SYNPR: variants seen among roughly 807,000 people sequenced by gnomAD.
SYNPR encodes the protein synaptoporin.
Under a neutral mutation model 32.9 loss-of-function variants are expected in SYNPR, and 23 were observed. That is an observed-to-expected ratio of 0.70 (90% confidence interval 0.50 to 0.99). The LOEUF (loss-of-function observed/expected upper bound fraction) is 0.99. Ranked by LOEUF, SYNPR falls within the 50% of genes least tolerant of loss-of-function variation. The pLI is 0.00. For synonymous variants in SYNPR, 146 were observed against 135.9 expected, an observed-to-expected ratio of 1.07 and a Z score of -0.52; for missense variants, 318 against 349.3, an observed-to-expected ratio of 0.91 and a Z score of 0.71.
At chr3:63,476,388 A>AGG (rs1463335418) in intron 2 of SYNPR, among the ~76,000 whole-genome samples, 2 of 108,566 alleles carry the variant, frequency 1.8e-5, no homozygotes, top group African/African-American at 3.4e-5. Context: ...GAGGGAGAGA[A>AGG]GAAGGAAGGA....
chr3:63,586,141 C>T lies in SYNPR; in HGVS notation c.409-22984C>T, dbSNP rs1350392036. On this transcript the variant is annotated intron_variant, in intron 4 of 5. Coordinates refer to ENST00000478300, the MANE Select transcript of SYNPR (RefSeq NM_001130003.2). Reference sequence around the variant, plus strand: ...TATTTGAGAAGTTCTTCATCTTAACCATCTGTTGCAGGCTGACAGATGGGT... The same window carrying T: ...TATTTGAGAAGTTCTTCATCTTAACTATCTGTTGCAGGCTGACAGATGGGT... Among the ~76,000 whole-genome samples the T allele has an allele frequency of 2.0e-5, 3 of 151,966 alleles. No homozygotes were observed. In the East Asian group the frequency reaches 5.8e-4, roughly 29 times the overall value.
chr3:63,473,770 G>A (rs1449095562), intron 2 of SYNPR, among the ~76,000 whole-genome samples: 1 of 152,186 alleles, frequency 6.6e-6, no homozygotes, highest in Admixed American at 6.5e-5. Flanking sequence ...ACAGCATGAA[G>A]GTCCTACAGC....
chr3:63,206,527 C>T, the SYNPR span, among the ~76,000 whole-genome samples: 1 of 151,934 alleles, frequency 6.6e-6, no homozygotes, highest in Non-Finnish European at 1.5e-5. Flanking sequence ...CACCACTGCA[C>T]TCCAGCCTGG....
chr3:63,489,290 T>A (rs1448801954), intron 3 of SYNPR, among the ~76,000 whole-genome samples: 1 of 152,118 alleles, frequency 6.6e-6, no homozygotes, highest in Non-Finnish European at 1.5e-5. Context: ...ATACCCCCAA[T>A]CCAATTGGTC....
intron 2 of SYNPR, among the ~76,000 whole-genome samples, chr3:63,293,211 G>C (rs567923117): frequency 6.6e-6 from 1 of 152,292 alleles, no homozygotes; most frequent in South Asian, 2.1e-4. Flanking sequence ...AAGTCACATA[G>C]GTGGTAAGTG....
In SYNPR at chr3:63,469,687, C is replaced by T. The variant is rs190795772; in HGVS notation, c.85-11145C>T. Among the ~76,000 whole-genome samples, 12 of 152,202 alleles carry T rather than the reference C, an allele frequency of 7.9e-5. No individual in the cohort carries two copies. In the East Asian group the frequency reaches 2.1e-3, roughly 27 times the overall value. On this transcript the variant is annotated intron_variant, in intron 2 of 5. Coordinates refer to ENST00000478300, the MANE Select transcript of SYNPR (RefSeq NM_001130003.2). The stretch of plus-strand genomic sequence containing the variant: ...TTCCTATTCAACCCGATGGAAGTTG[C>T]CCTTTTTAATCAACGAATGATTGAT...
intron 4 of SYNPR, among the ~76,000 whole-genome samples, chr3:63,608,547 G>A (rs1700155605): frequency 6.6e-6 from 1 of 152,136 alleles, no homozygotes; most frequent in Admixed American, 6.5e-5. Context: ...TAACATATTG[G>A]TTAACCAATA....
At chr3:63,452,625 T>A (rs1700398991) in intron 2 of SYNPR, among the ~76,000 whole-genome samples, 1 of 152,080 alleles carries the variant, frequency 6.6e-6, no homozygotes, top group South Asian at 2.1e-4. Flanking sequence ...ACACAGGACT[T>A]GAACCTTCAC....
At chr3:63,563,419 T>C (rs529747072) in intron 4 of SYNPR, among the ~76,000 whole-genome samples, 1 of 152,272 alleles carries the variant, frequency 6.6e-6, no homozygotes, top group South Asian at 2.1e-4. Context: ...CAAATGCTCT[T>C]TCCCACCAGC....
At chr3:63,401,053 A>G (rs1272918999) in intron 2 of SYNPR, among the ~76,000 whole-genome samples, 1 of 151,282 alleles carries the variant, frequency 6.6e-6, no homozygotes, top group Non-Finnish European at 1.5e-5. Flanking sequence ...TTTTTTTTTT[A>G]TGATGATAAC....
chr3:63,576,790 C>CA (rs34309720), intron 4 of SYNPR, among the ~76,000 whole-genome samples: 3,517 of 76,194 alleles, frequency 0.046, 105 homozygotes, highest in African/African-American at 0.13. Flanking sequence ...GAATACGTCT[C>CA]AAAAAAAAAA....
At chr3:63,500,727 A>G (rs1461009651) in intron 3 of SYNPR, among the ~76,000 whole-genome samples, 1 of 152,124 alleles carries the variant, frequency 6.6e-6, no homozygotes, top group African/African-American at 2.4e-5. Flanking sequence ...CACTCACACA[A>G]TTTGATCACT....
intron 3 of SYNPR, among the ~76,000 whole-genome samples, chr3:63,544,974 G>C (rs1404516066): frequency 1.3e-5 from 2 of 151,352 alleles, no homozygotes; most frequent in African/African-American, 4.9e-5. Context: ...ACTCGTCCAA[G>C]GTCAAATAGC....
At chr3:63,371,302 C>A (rs921562741) in intron 2 of SYNPR, among the ~76,000 whole-genome samples, 1 of 152,024 alleles carries the variant, frequency 6.6e-6, no homozygotes. Context: ...GTCACTCATG[C>A]ACACATGGAG....
intron 3 of SYNPR, among the ~76,000 whole-genome samples, chr3:63,488,680 C>T (rs1701201762): frequency 6.6e-6 from 1 of 151,590 alleles, no homozygotes; most frequent in Admixed American, 6.6e-5. Flanking sequence ...CCCTGAGTTG[C>T]TATCATTGTT....
At chr3:63,610,990 A>G (rs1700189070) in intron 5 of SYNPR, among the ~76,000 whole-genome samples, 1 of 152,216 alleles carries the variant, frequency 6.6e-6, no homozygotes, top group Admixed American at 6.5e-5. Flanking sequence ...TATCCATATC[A>G]GTTAACAGTC....
upstream of SYNPR, among the ~76,000 whole-genome samples, chr3:63,277,962 A>G (rs1411761989): frequency 6.6e-6 from 1 of 152,032 alleles, no homozygotes; most frequent in Non-Finnish European, 1.5e-5. Context: ...ATTTTTATGT[A>G]TTTATCATTA....
chr3:63,481,536 C>G (rs779655920), intron 3 of SYNPR, among the ~76,000 whole-genome samples: 27 of 151,680 alleles, frequency 1.8e-4, no homozygotes, highest in Admixed American at 5.9e-4. Flanking sequence ...GGTGATGAAT[C>G]ATCATAGAGA....
At chr3:63,325,530 G>T (rs1300181679) in intron 2 of SYNPR, among the ~76,000 whole-genome samples, 1 of 152,048 alleles carries the variant, frequency 6.6e-6, no homozygotes, top group African/African-American at 2.4e-5. Flanking sequence ...TCTTACTGAG[G>T]TGCCAACCTG....
Sources: allele counts gnomAD v4.1 joint callset (sites outside exome capture counted in the v4.1 genomes callset), GRCh38; gene constraint gnomAD v4.1.1; transcripts MANE v1.5; gene names NCBI Gene and HGNC (gene_info 2026-07-23, HGNC 2026-07-21).